Variants in TSPAN9 observed in about 807,000 individuals in gnomAD.
The protein encoded by TSPAN9 is tetraspanin 9.
In TSPAN9, 16 loss-of-function variants were observed where a neutral mutation model predicts 31.0. The observed-to-expected ratio is 0.52, with a 90% CI of 0.35 to 0.78. The LOEUF is 0.78. Among genes scored for constraint, TSPAN9 ranks in the 30% least tolerant of loss-of-function variants. The pLI is 0.01. For missense variants in TSPAN9, 272 were observed against 312.5 expected, an observed-to-expected ratio of 0.87 and a Z score of 0.98; for synonymous variants, 145 against 121.6, an observed-to-expected ratio of 1.19 and a Z score of -1.27.
At chr12:3,224,879 G>A (rs1384899387) in intron 3 of TSPAN9, among the ~76,000 whole-genome samples, 3 of 152,130 alleles carry the variant, frequency 2.0e-5, no homozygotes, top group African/African-American at 7.2e-5. Flanking sequence ...GGCTTGTGGG[G>A]GGCTGCTGCA....
At position 3,124,403 on chromosome 12, in the gene TSPAN9, T is replaced by C. The variant is rs1464039874; in HGVS notation, c.-18+40684T>C. ...TGGAAGCATACTGAATGTCTAACAA[T>C]AGAAAATTAGTTATATAAATTTTGA... On this transcript the variant is annotated intron_variant, in intron 2 of 8. Transcript: ENST00000011898. 2.0e-5 allele frequency among the ~76,000 whole-genome samples: 3 copies of C among 152,216 alleles called. No homozygotes were observed. In the East Asian group the frequency reaches 5.8e-4, roughly 29 times the overall value.
chr12:3,232,783 C>A (rs2098391453), intron 3 of TSPAN9, among the ~76,000 whole-genome samples: 1 of 152,168 alleles, frequency 6.6e-6, no homozygotes, highest in South Asian at 2.1e-4. Context: ...ACACAGGAAG[C>A]GCAGCTCCAG....
rs908097989 is a variant in TSPAN9 at position 3,187,670 on chromosome 12, C to A, written c.-17-13507C>A. On this transcript the variant is annotated intron_variant, in intron 2 of 8. Coordinates refer to ENST00000011898, the MANE Select transcript of TSPAN9 (RefSeq NM_006675.5). The surrounding 1 kb of genome is among the most constrained non-coding windows in gnomAD (Gnocchi z 5.2). ...CCAGATGTGATCATTAGTGTGAGAGCCCCTCAAAAAAGCTGCAAGAGTCAC... is the reference window on the plus strand; with the variant it reads ...CCAGATGTGATCATTAGTGTGAGAGACCCTCAAAAAAGCTGCAAGAGTCAC... Among the ~76,000 whole-genome samples, 5 of 152,080 alleles carry A rather than the reference C, an allele frequency of 3.3e-5. No individual in the cohort carries two copies. Among genetic ancestry groups the A allele is most frequent in the African/African-American group, 1.2e-4 (5 of 41,420 alleles).
chr12:3,164,674 C>T (rs1226210630), intron 2 of TSPAN9, among the ~76,000 whole-genome samples: 1 of 152,178 alleles, frequency 6.6e-6, no homozygotes, highest in Non-Finnish European at 1.5e-5. Context: ...GGCTGCAAAA[C>T]CCTCCTCCTT....
chr12:3,148,908 T>A (rs961593167), intron 2 of TSPAN9, among the ~76,000 whole-genome samples: 3 of 152,132 alleles, frequency 2.0e-5, no homozygotes, highest in African/African-American at 7.2e-5. Flanking sequence ...AGGGGGCCTC[T>A]CGGGCGTGCC....
intron 2 of TSPAN9, among the ~76,000 whole-genome samples, chr12:3,191,963 A>G (rs1382524274): frequency 6.6e-6 from 1 of 152,200 alleles, no homozygotes; most frequent in Non-Finnish European, 1.5e-5. Context: ...TTCTTCAATA[A>G]TTCACAAGAG....
chr12:3,183,755 G>A (rs1016346854), intron 2 of TSPAN9, among the ~76,000 whole-genome samples: 1 of 152,160 alleles, frequency 6.6e-6, no homozygotes, highest in African/African-American at 2.4e-5. Flanking sequence ...GAGGGAACTC[G>A]GCATTTGGGA....
chr12:3,144,739 CCT>C (rs1259055484), intron 2 of TSPAN9, among the ~76,000 whole-genome samples: 1 of 152,216 alleles, frequency 6.6e-6, no homozygotes, highest in Non-Finnish European at 1.5e-5. Flanking sequence ...CTGAGATCAT[CCT>C]CTCTCACATC....
chr12:3,209,591 C>A (rs1224556101), intron 3 of TSPAN9, among the ~76,000 whole-genome samples: 1 of 152,168 alleles, frequency 6.6e-6, no homozygotes, highest in Non-Finnish European at 1.5e-5. Flanking sequence ...ACTCGCCTGA[C>A]GAGCTCAGCT....
chr12:3,170,411 T>A lies in TSPAN9; in HGVS notation c.-17-30766T>A, dbSNP rs1245797803. On this transcript the variant is annotated intron_variant, in intron 2 of 8. Coordinates refer to ENST00000011898, the MANE Select transcript of TSPAN9 (RefSeq NM_006675.5). This position sits in a 1 kb window ranked among gnomAD's most constrained non-coding sequence, Gnocchi z 4.4. ...ATAGCATGTAGCATAGGATTCCACA[T>A]GTAATATACATCTGTGGGAAGAAAC... is the stretch of plus-strand genomic sequence containing the variant. Among the ~76,000 whole-genome samples the A allele has an allele frequency of 6.6e-6, 1 of 152,236 alleles. No individual in the cohort carries two copies.
chr12:3,254,910 A>C (rs1862316889), intron 3 of TSPAN9, among the ~76,000 whole-genome samples: 1 of 152,190 alleles, frequency 6.6e-6, no homozygotes, highest in Admixed American at 6.5e-5. Flanking sequence ...GGGTGGATGC[A>C]TCATGCACAC....
At chr12:3,261,876 C>T (rs552620262) in intron 3 of TSPAN9, among the ~76,000 whole-genome samples, 2 of 152,344 alleles carry the variant, frequency 1.3e-5, no homozygotes, top group East Asian at 1.9e-4. Flanking sequence ...CAGCCTTGCC[C>T]TTCCCCCAAG....
At chr12:3,105,641 C>T (rs1158717880) in intron 2 of TSPAN9, among the ~76,000 whole-genome samples, 1 of 151,926 alleles carries the variant, frequency 6.6e-6, no homozygotes, top group Non-Finnish European at 1.5e-5. Context: ...GTGTCTGAAT[C>T]CCGGTGGGGT....
chr12:3,251,700 C>T (rs957831021), intron 3 of TSPAN9, among the ~76,000 whole-genome samples: 2 of 152,178 alleles, frequency 1.3e-5, no homozygotes, highest in Non-Finnish European at 2.9e-5. Context: ...CGGTGGGTTC[C>T]AGCACCTCTG....
chr12:3,111,067 G>T (rs1361621481), intron 2 of TSPAN9, among the ~76,000 whole-genome samples: 1 of 152,202 alleles, frequency 6.6e-6, no homozygotes, highest in African/African-American at 2.4e-5. Flanking sequence ...TGCATCGAAG[G>T]TTTCATCCAG....
intron 3 of TSPAN9, among the ~76,000 whole-genome samples, chr12:3,225,305 C>G (rs1402319299): frequency 6.6e-6 from 1 of 152,168 alleles, no homozygotes; most frequent in Non-Finnish European, 1.5e-5. Context: ...ACCCGCCACT[C>G]CCCAGCCTGC....
intron 3 of TSPAN9, among the ~76,000 whole-genome samples, chr12:3,239,201 G>T (rs1178590426): frequency 6.6e-6 from 1 of 152,104 alleles, no homozygotes; most frequent in East Asian, 1.9e-4. Context: ...GAGAGGCAAG[G>T]CGTAGAGGGG....
chr12:3,240,405 C>T (rs1241497885), intron 3 of TSPAN9, among the ~76,000 whole-genome samples: 1 of 152,164 alleles, frequency 6.6e-6, no homozygotes, highest in African/African-American at 2.4e-5. Context: ...GTCACTCTCG[C>T]TGATTGAGTG....
intron 2 of TSPAN9, among the ~76,000 whole-genome samples, chr12:3,178,614 G>A (rs1358295192): frequency 2.0e-5 from 3 of 152,204 alleles, no homozygotes; most frequent in Non-Finnish European, 4.4e-5. Context: ...TCTGATGCTC[G>A]TGCTTATCCC....
Sources: allele counts gnomAD v4.1 joint callset (sites outside exome capture counted in the v4.1 genomes callset), GRCh38; gene constraint gnomAD v4.1.1; non-coding constraint Gnocchi (gnomAD v3.1); transcripts MANE v1.5; gene names NCBI Gene and HGNC (gene_info 2026-07-23, HGNC 2026-07-21).